The following CCBE1 variants were observed in gnomAD, a reference collection of about 807,000 sequenced individuals.
CCBE1 encodes the protein collagen and calcium-binding EGF domain-containing protein 1.
Under a neutral mutation model 50.0 loss-of-function variants are expected in CCBE1, and 37 were observed. The observed-to-expected ratio is 0.74, with a 90% CI of 0.57 to 0.97. The LOEUF (loss-of-function observed/expected upper bound fraction) is 0.97. CCBE1 is among the 50% of genes least tolerant of loss of function. The pLI is 0.00. For synonymous variants in CCBE1, 234 were observed against 203.7 expected, an observed-to-expected ratio of 1.15 and a Z score of -1.27; for missense variants, 538 against 523.8, an observed-to-expected ratio of 1.03 and a Z score of -0.26.
chr18:59,478,808 G>T (rs368793718), intron 3 of CCBE1, among the ~76,000 whole-genome samples: 2 of 152,228 alleles, frequency 1.3e-5, no homozygotes, highest in Non-Finnish European at 2.9e-5. Flanking sequence ...AGCTGTTATA[G>T]AAAGAAGTGC....
chr18:59,599,927 CT>C (rs1253576496), intron 2 of CCBE1, among the ~76,000 whole-genome samples: 1 of 152,158 alleles, frequency 6.6e-6, no homozygotes. Flanking sequence ...ATTGTCACCC[CT>C]GGCTCACTTC....
At chr18:59,505,168 G>T (rs148115110) in intron 2 of CCBE1, among the ~76,000 whole-genome samples, 1 of 152,120 alleles carries the variant, frequency 6.6e-6, no homozygotes, top group African/African-American at 2.4e-5. Flanking sequence ...TGGGGTGGAG[G>T]GAGGAGTGGA....
intron 5 of CCBE1, chr18:59,464,152 T>C (rs887636242): frequency 6.6e-6 from 1 of 152,200 alleles, no homozygotes; most frequent in African/African-American, 2.4e-5. Flanking sequence ...TAAAAAGTAG[T>C]CAGGGCATGG....
chr18:59,689,173 G>GC (rs1188422507), intron 2 of CCBE1, among the ~76,000 whole-genome samples: 2 of 152,188 alleles, frequency 1.3e-5, no homozygotes, highest in Non-Finnish European at 2.9e-5. Flanking sequence ...CCTGTTGAGA[G>GC]CCCCCCTGTA....
At position 59,632,664 on chromosome 18, in the gene CCBE1, C is replaced by T. The variant is rs550353271; in HGVS notation, c.212+63965G>A. Among the ~76,000 whole-genome samples, 491 of 152,218 alleles carry T rather than the reference C, an allele frequency of 3.2e-3. 1 individual carries two copies. Among genetic ancestry groups the T allele is most frequent in the African/African-American group, 0.011 (459 of 41,518 alleles). Reference sequence around the variant, plus strand: ...AGTGCAGTGGCACGATCTTGGCTCACCGCAACTTCCAACCTCCCAGGTTCA... The same window carrying T: ...AGTGCAGTGGCACGATCTTGGCTCATCGCAACTTCCAACCTCCCAGGTTCA... On this transcript the variant is annotated intron_variant, in intron 2 of 10. Coordinates refer to ENST00000439986, the MANE Select transcript of CCBE1 (RefSeq NM_133459.4).
At chr18:59,506,728 C>G (rs1463369114) in intron 2 of CCBE1, among the ~76,000 whole-genome samples, 2 of 152,160 alleles carry the variant, frequency 1.3e-5, no homozygotes, top group East Asian at 1.9e-4. Context: ...GCACCCAGAC[C>G]AGCCTCCTGG....
chr18:59,665,779 C>T (rs923859475), intron 2 of CCBE1, among the ~76,000 whole-genome samples: 7 of 152,166 alleles, frequency 4.6e-5, no homozygotes, highest in Admixed American at 3.3e-4. Flanking sequence ...CACTGCTCAC[C>T]AAGAGCAGAG....
intron 2 of CCBE1, among the ~76,000 whole-genome samples, chr18:59,484,527 G>A (rs994061743): frequency 6.6e-6 from 1 of 152,182 alleles, no homozygotes; most frequent in Non-Finnish European, 1.5e-5. Context: ...AAGGGCTTAG[G>A]ACTGTCCACG....
At chr18:59,478,560 G>T (rs1041685640) in intron 3 of CCBE1, among the ~76,000 whole-genome samples, 15 of 152,128 alleles carry the variant, frequency 9.9e-5, no homozygotes, top group Non-Finnish European at 1.8e-4. Flanking sequence ...TTCAGTTCTG[G>T]GTTATGTTAA....
At position 59,662,373 on chromosome 18, in the gene CCBE1, T is replaced by A. The variant is rs187963031; in HGVS notation, c.212+34256A>T. Reference sequence around the variant, plus strand: ...ACATATTTCAGCAAGTACATCAATCTGCAAATTTACAACGTATATTACAAG... The same window carrying A: ...ACATATTTCAGCAAGTACATCAATCAGCAAATTTACAACGTATATTACAAG... On this transcript the variant is annotated intron_variant, in intron 2 of 10. Coordinates refer to ENST00000439986, the MANE Select transcript of CCBE1 (RefSeq NM_133459.4). Among the ~76,000 whole-genome samples, 16 of 152,364 alleles carry A rather than the reference T, an allele frequency of 1.1e-4. No individual in the cohort carries two copies. In the East Asian group the frequency reaches 3.1e-3, roughly 29 times the overall value.
chr18:59,477,147 A>C (rs184908282), intron 3 of CCBE1, among the ~76,000 whole-genome samples: 4 of 152,362 alleles, frequency 2.6e-5, no homozygotes, highest in Admixed American at 2.6e-4. Context: ...TTATTGTTCT[A>C]GCTGGGGTGA....
intron 7 of CCBE1, among the ~76,000 whole-genome samples, chr18:59,441,854 G>A (rs1598903198): frequency 6.6e-6 from 1 of 152,164 alleles, no homozygotes; most frequent in Non-Finnish European, 1.5e-5. Flanking sequence ...AAAGAGGTGA[G>A]ATAATATCGA....
At position 59,555,725 on chromosome 18, in the gene CCBE1, G is replaced by T. The variant is rs561369166; in HGVS notation, c.213-75487C>A. 4.0e-5 allele frequency among the ~76,000 whole-genome samples: 6 copies of T among 148,970 alleles called. No individual in the cohort carries two copies. The South Asian group carries it at 1.3e-3, about 33-fold the overall frequency. On this transcript the variant is annotated intron_variant, in intron 2 of 10. Coordinates refer to ENST00000439986, the MANE Select transcript of CCBE1 (RefSeq NM_133459.4). Reference sequence around the variant, plus strand: ...TTGAAACATCCTGAAGAAACAGACCGATTCCATTTCATAAATCTAAGAGGT... The same window carrying T: ...TTGAAACATCCTGAAGAAACAGACCTATTCCATTTCATAAATCTAAGAGGT...
intron 2 of CCBE1, among the ~76,000 whole-genome samples, chr18:59,676,811 ACAT>A (rs1239813677): frequency 3.3e-5 from 5 of 152,234 alleles, no homozygotes; most frequent in Non-Finnish European, 7.3e-5. Context: ...TGAGGATGTG[ACAT>A]CATAATTAAA....
rs1598921739 is a variant in CCBE1, at chr18:59,463,656, CA to C, written c.553+3082del. ...CCCGCAGGCCACTCTCCCTCACAGG[CA>C]GGAACTCCTTGTGGGCGGGGCCAGG... is the stretch of plus-strand genomic sequence containing the variant. On this transcript the variant is annotated intron_variant, in intron 5 of 10. Transcript: ENST00000439986. Among the ~76,000 whole-genome samples, 3 of 152,342 alleles carry C rather than the reference CA, an allele frequency of 2.0e-5. No homozygotes were observed. In the East Asian group the frequency reaches 5.8e-4, roughly 29 times the overall value.
chr18:59,563,999 A>G (rs968498658), intron 2 of CCBE1: 2 of 152,204 alleles, frequency 1.3e-5, no homozygotes, highest in Non-Finnish European at 2.9e-5. Context: ...TATGCTGAGT[A>G]GAAAGTTCCA....
At chr18:59,613,690 G>C (rs896890139) in intron 2 of CCBE1, among the ~76,000 whole-genome samples, 5 of 151,840 alleles carry the variant, frequency 3.3e-5, no homozygotes, top group African/African-American at 7.3e-5. Flanking sequence ...CTTGAGCCCA[G>C]AAGTTTGAGA....
intron 6 of CCBE1, among the ~76,000 whole-genome samples, chr18:59,453,117 C>G (rs1371428417): frequency 6.6e-6 from 1 of 152,194 alleles, no homozygotes; most frequent in Non-Finnish European, 1.5e-5. Flanking sequence ...TTCTGAATGA[C>G]TTGCGCTATT....
At chr18:59,469,434 C>T in intron 4 of CCBE1, 39 bp downstream of exon 4, 1 of 1,613,962 alleles carries the variant, frequency 6.2e-7, no homozygotes, top group Non-Finnish European at 8.5e-7. Context: ...GAACAAGGCA[C>T]ATGTTCAGAA....
Sources: gnomAD v4.1 joint callset for allele counts (sites outside exome capture counted in the v4.1 genomes callset) on GRCh38, gnomAD v4.1.1 for gene constraint, MANE v1.5 for transcripts, NCBI Gene and HGNC (gene_info 2026-07-23, HGNC 2026-07-21) for gene names.